The following RANBP17 variants were observed in gnomAD, a reference collection of about 807,000 sequenced individuals.
RANBP17 encodes the protein ran-binding protein 17.
In RANBP17, 158 loss-of-function variants were observed where a neutral mutation model predicts 141.2. The observed-to-expected ratio is 1.12, with a 90% CI of 0.98 to 1.28. The LOEUF (loss-of-function observed/expected upper bound fraction) is 1.28, where lower values mean the gene tolerates loss of function less well. Ranked by LOEUF, RANBP17 falls within the 50% of genes most tolerant of loss-of-function variation. RANBP17 has a pLI of 0.00. For missense variants in RANBP17, 1,438 were observed against 1,290.7 expected, an observed-to-expected ratio of 1.11 and a Z score of -1.75; for synonymous variants, 430 against 450.0, an observed-to-expected ratio of 0.96 and a Z score of 0.56.
Position 171,223,403 on chromosome 5 carries a change from G to A in RANBP17, c.2422+1563G>A, listed in dbSNP as rs543193537. ...AATCCCAGCACTTTGGGAGGCCAGG[G>A]CGGGCGGATCACTTGAGGCCAGGAG... On this transcript the variant is annotated intron_variant, in intron 22 of 27. Transcript: ENST00000523189. Among the ~76,000 whole-genome samples the A allele has an allele frequency of 5.3e-5, 8 of 152,310 alleles. No individual in the cohort carries two copies. In the East Asian group the frequency reaches 1.5e-3, roughly 29 times the overall value.
intron 14 of RANBP17, among the ~76,000 whole-genome samples, chr5:170,986,551 A>G (rs1411057868): frequency 1.3e-5 from 2 of 151,680 alleles, no homozygotes; most frequent in Non-Finnish European, 2.9e-5. Context: ...CATCAAATGA[A>G]CCCCATAAAC....
intron 14 of RANBP17, among the ~76,000 whole-genome samples, chr5:171,054,578 T>G (rs1488538516): frequency 6.6e-6 from 1 of 152,148 alleles, no homozygotes; most frequent in Non-Finnish European, 1.5e-5. Context: ...CCATCTTGGT[T>G]TTGGTGCATT....
intron 25 of RANBP17, among the ~76,000 whole-genome samples, chr5:171,274,111 A>AGT (rs372324815): frequency 0.031 from 4,485 of 143,108 alleles, 136 homozygotes; most frequent in African/African-American, 0.082. Flanking sequence ...AGTTTGATCA[A>AGT]GTGTGTGTGT....
rs993557939 is a variant in RANBP17 at position 171,148,322 on chromosome 5, C to T, written c.1711-21808C>T. ...TCACTTGTTTGTCTGCTGACCTTCCCTCCACTATTGTCCCATGACCCTGCC... is the reference window on the plus strand; with the variant it reads ...TCACTTGTTTGTCTGCTGACCTTCCTTCCACTATTGTCCCATGACCCTGCC... On this transcript the variant is annotated intron_variant, in intron 14 of 27. Transcript: ENST00000523189. Among the ~76,000 whole-genome samples, 10 of 152,160 alleles carry T rather than the reference C, an allele frequency of 6.6e-5. No individual in the cohort carries two copies. The East Asian group carries it at 1.2e-3, about 18-fold the overall frequency.
At chr5:171,087,407 G>T (rs889120274) in intron 14 of RANBP17, among the ~76,000 whole-genome samples, 1 of 152,116 alleles carries the variant, frequency 6.6e-6, no homozygotes, top group Admixed American at 6.5e-5. Context: ...TTTGGAATAG[G>T]TGTGGTGTGG....
At position 171,086,852 on chromosome 5, in the gene RANBP17, CT is replaced by C. The variant is rs1242872565; in HGVS notation, c.1711-83271del. ...TATTGTGTCTATTTGATTCTTCTCT[CT>C]TTTTTTCTTCATTAGTCTTGCTAGC... is the stretch of plus-strand genomic sequence containing the variant. On this transcript the variant is annotated intron_variant, in intron 14 of 27. Coordinates refer to ENST00000523189, the MANE Select transcript of RANBP17 (RefSeq NM_022897.5). Among the ~76,000 whole-genome samples the C allele has an allele frequency of 3.4e-5, 5 of 147,436 alleles. No homozygotes were observed. The South Asian group carries it at 6.6e-4, about 19-fold the overall frequency.
intron 25 of RANBP17, among the ~76,000 whole-genome samples, chr5:171,288,089 A>G (rs761538605): frequency 6.6e-6 from 1 of 152,132 alleles, no homozygotes; most frequent in Non-Finnish European, 1.5e-5. Context: ...GTGGGAGGAA[A>G]GTCATTATTT....
intron 13 of RANBP17, among the ~76,000 whole-genome samples, chr5:170,961,816 G>A (rs984738503): frequency 2.0e-5 from 3 of 152,176 alleles, no homozygotes; most frequent in Admixed American, 6.5e-5. Flanking sequence ...CATCTTCAGA[G>A]GGCACTGTGG....
intron 2 of RANBP17, among the ~76,000 whole-genome samples, chr5:170,878,886 CA>C (rs1438776954): frequency 6.6e-6 from 1 of 151,788 alleles, no homozygotes; most frequent in Non-Finnish European, 1.5e-5. Context: ...CTTTCTGGGC[CA>C]GGAGACAAAA....
chr5:171,059,464 A>G (rs1177368239), intron 14 of RANBP17, among the ~76,000 whole-genome samples: 2 of 152,206 alleles, frequency 1.3e-5, no homozygotes, highest in African/African-American at 4.8e-5. Context: ...GTCAAAGATC[A>G]GATAGTTGTA....
At chr5:171,175,509 T>C (rs1257839815) in intron 16 of RANBP17, among the ~76,000 whole-genome samples, 1 of 152,138 alleles carries the variant, frequency 6.6e-6, no homozygotes, top group Non-Finnish European at 1.5e-5. Context: ...GCCTACAGAA[T>C]GGGAGAAAAT....
In RANBP17 at chr5:171,242,594, C is replaced by T. The variant is rs2050558005; in HGVS notation, c.2638-88C>T. The stretch of plus-strand genomic sequence containing the variant: ...TTGTGTTTAAATAAGTTTACAATTT[C>T]CAGTATTATAAATGACAATTTTCAC... On this transcript the variant is annotated intron_variant, in intron 23 of 27. Coordinates refer to ENST00000523189, the MANE Select transcript of RANBP17 (RefSeq NM_022897.5). The T allele has an allele frequency of 5.2e-6, 7 of 1,352,910 alleles. No homozygotes were observed. The East Asian group carries it at 1.6e-4, about 31-fold the overall frequency. The allele number at this position is 1,352,910 out of a possible 1,614,324, so 83.8% of individuals were successfully genotyped here.
At chr5:170,913,587 A>G (rs2127426352) in intron 7 of RANBP17, among the ~76,000 whole-genome samples, 1 of 152,192 alleles carries the variant, frequency 6.6e-6, no homozygotes, top group East Asian at 1.9e-4. Context: ...TTTAATCACA[A>G]ATTGTGATAA....
chr5:171,073,623 A>G (rs1784749297), intron 14 of RANBP17, among the ~76,000 whole-genome samples: 1 of 152,124 alleles, frequency 6.6e-6, no homozygotes, highest in Non-Finnish European at 1.5e-5. Flanking sequence ...GAGTGGATAC[A>G]TGGCTTAGTG....
chr5:170,908,635 C>G (rs368940223), intron 5 of RANBP17, among the ~76,000 whole-genome samples: 1 of 150,608 alleles, frequency 6.6e-6, no homozygotes, highest in Admixed American at 6.6e-5. Context: ...CATGTACCCC[C>G]ACAAGCTAAA....
At chr5:171,219,613 T>C (rs528563328) in intron 21 of RANBP17, among the ~76,000 whole-genome samples, 2 of 152,168 alleles carry the variant, frequency 1.3e-5, no homozygotes, top group East Asian at 3.9e-4. Context: ...TTCTCCAATC[T>C]TGTCTTCATA....
chr5:170,905,313 G>C, intron 5 of RANBP17, among the ~76,000 whole-genome samples: 1 of 152,124 alleles, frequency 6.6e-6, no homozygotes, highest in East Asian at 1.9e-4. Context: ...TTTAAAAACT[G>C]TCATCTTGAG....
chr5:171,188,877 G>A (rs1173325022), intron 18 of RANBP17, among the ~76,000 whole-genome samples: 1 of 152,104 alleles, frequency 6.6e-6, no homozygotes. Flanking sequence ...GAAAGACATT[G>A]CACACTTTTT....
At chr5:170,961,851 CTCT>C (rs1776168896) in intron 13 of RANBP17, among the ~76,000 whole-genome samples, 1 of 152,210 alleles carries the variant, frequency 6.6e-6, no homozygotes, top group Non-Finnish European at 1.5e-5. Flanking sequence ...TGTCTTTCAT[CTCT>C]TCTTCCTTTC....
Sources: gnomAD v4.1 joint callset for allele counts (sites outside exome capture counted in the v4.1 genomes callset) on GRCh38, gnomAD v4.1.1 for gene constraint, MANE v1.5 for transcripts, NCBI Gene and HGNC (gene_info 2026-07-23, HGNC 2026-07-21) for gene names.